FAM168A: variants seen among roughly 807,000 people sequenced by gnomAD.
FAM168A encodes the protein protein FAM168A.
Under a neutral mutation model 28.5 loss-of-function variants are expected in FAM168A, and 3 were observed. The ratio of observed to expected loss-of-function variants is 0.11; its 90% CI spans 0.05 to 0.27. The LOEUF is 0.27. Among genes scored for constraint, FAM168A ranks in the 10% least tolerant of loss-of-function variants. The probability of loss-of-function intolerance (pLI) is 1.00; values close to 1 mark genes in which losing one functional copy is unlikely to be tolerated. For missense variants in FAM168A, 222 were observed against 311.5 expected, an observed-to-expected ratio of 0.71 and a Z score of 2.16; for synonymous variants, 122 against 124.2, an observed-to-expected ratio of 0.98 and a Z score of 0.12.
intron 2 of FAM168A, among the ~76,000 whole-genome samples, chr11:73,466,024 TG>T (rs1328307955): frequency 1.3e-5 from 2 of 152,156 alleles, no homozygotes; most frequent in Non-Finnish European, 2.9e-5. Context: ...AGCTGCTTAC[TG>T]GAATACTGCA....
chr11:73,592,836 C>G (rs897527553), intron 1 of FAM168A, among the ~76,000 whole-genome samples: 2 of 150,616 alleles, frequency 1.3e-5, no homozygotes, highest in African/African-American at 4.9e-5. Context: ...AGGAGGATCA[C>G]TTGACCAGGA....
intron 1 of FAM168A, among the ~76,000 whole-genome samples, chr11:73,572,836 A>C (rs1944120777): frequency 6.6e-6 from 1 of 152,102 alleles, no homozygotes; most frequent in Admixed American, 6.6e-5. Flanking sequence ...GACCCTGCCA[A>C]ATCCCCCTCT....
In FAM168A at chr11:73,411,495, T is replaced by C. The variant is rs781581760; in HGVS notation, c.319A>G (p.Ser107Gly). 8 of 1,614,068 alleles carry C rather than the reference T, an allele frequency of 5.0e-6. No individual in the cohort carries two copies. Among genetic ancestry groups the C allele is most frequent in the African/African-American group, 1.3e-5 (1 of 75,010 alleles). The change falls in exon 5 of 8, where the codon AGT (serine) becomes GGT (glycine). Residue 107 changes from serine (S) to glycine (G), a missense_variant. Transcript: ENST00000356467. Reference protein sequence around the residue: ...GTPYKVPPTQSNTAPPPYSPS... With the variant: ...GTPYKVPPTQGNTAPPPYSPS... ...GAGTAGGGGGGTGGAGCAGTGTTAC[T>C]CTGGGTCGGTGGGACCTTGTATGGT...
At chr11:73,437,965 T>C (rs952743924) in intron 2 of FAM168A, among the ~76,000 whole-genome samples, 4 of 152,124 alleles carry the variant, frequency 2.6e-5, no homozygotes, top group Non-Finnish European at 5.9e-5. Context: ...CTTAAAACAA[T>C]TCAATTTTTC....
intron 1 of FAM168A, among the ~76,000 whole-genome samples, chr11:73,513,022 C>T (rs1406436408): frequency 6.6e-6 from 1 of 152,074 alleles, no homozygotes; most frequent in Admixed American, 6.5e-5. Context: ...CCTAGGGAAA[C>T]ATCTGCCGTA....
intron 1 of FAM168A, among the ~76,000 whole-genome samples, chr11:73,572,374 G>A (rs1565303979): frequency 6.6e-6 from 1 of 152,206 alleles, no homozygotes; most frequent in Non-Finnish European, 1.5e-5. Context: ...TCTGGGAGGT[G>A]TACCCAACAG....
intron 1 of FAM168A, among the ~76,000 whole-genome samples, chr11:73,542,407 G>A (rs999764472): frequency 6.6e-6 from 1 of 152,116 alleles, no homozygotes; most frequent in African/African-American, 2.4e-5. Flanking sequence ...AATCTCCTTT[G>A]ACTACTTTCT....
At chr11:73,564,555 A>G (rs973991966) in intron 1 of FAM168A, among the ~76,000 whole-genome samples, 3 of 151,818 alleles carry the variant, frequency 2.0e-5, no homozygotes, top group African/African-American at 7.2e-5. Flanking sequence ...TGGCTAACAC[A>G]GTGAAACCCC....
intron 1 of FAM168A, among the ~76,000 whole-genome samples, chr11:73,525,880 A>G (rs992397205): frequency 6.6e-6 from 1 of 152,206 alleles, no homozygotes; most frequent in Admixed American, 6.5e-5. Context: ...TACATGTTCA[A>G]ATTACCTTAT....
intron 1 of FAM168A, among the ~76,000 whole-genome samples, chr11:73,479,029 G>A (rs984787548): frequency 5.9e-5 from 9 of 152,128 alleles, no homozygotes; most frequent in Non-Finnish European, 8.8e-5. Context: ...AGATGTAACC[G>A]AAATACTCTG....
At chr11:73,538,064 G>C (rs1057418393) in intron 1 of FAM168A, among the ~76,000 whole-genome samples, 1 of 152,130 alleles carries the variant, frequency 6.6e-6, no homozygotes, top group African/African-American at 2.4e-5. Flanking sequence ...TCCATTTTCA[G>C]AGATGAAAAA....
At chr11:73,475,222 AACT>A (rs1414814122) in intron 1 of FAM168A, among the ~76,000 whole-genome samples, 31 of 152,176 alleles carry the variant, frequency 2.0e-4, no homozygotes, top group African/African-American at 6.8e-4. Context: ...TTAGTTTGCA[AACT>A]ACTACACTTT....
intron 1 of FAM168A, among the ~76,000 whole-genome samples, chr11:73,584,745 G>A (rs528266807): frequency 1.3e-5 from 2 of 152,130 alleles, no homozygotes; most frequent in Non-Finnish European, 2.9e-5. Flanking sequence ...CCAAAGTGCT[G>A]GGATTACACG....
intron 5 of FAM168A, among the ~76,000 whole-genome samples, chr11:73,410,082 T>A (rs1207233217): frequency 2.0e-5 from 3 of 151,330 alleles, no homozygotes; most frequent in African/African-American, 7.3e-5. Context: ...ATGGTGTAAG[T>A]GCATGTTGTA....
intron 1 of FAM168A, among the ~76,000 whole-genome samples, chr11:73,522,974 C>T (rs974630122): frequency 6.6e-6 from 1 of 152,010 alleles, no homozygotes; most frequent in Non-Finnish European, 1.5e-5. Context: ...GATAACACCA[C>T]TGAACTCCAG....
At chr11:73,509,869 G>A (rs1855185368) in intron 1 of FAM168A, among the ~76,000 whole-genome samples, 1 of 152,090 alleles carries the variant, frequency 6.6e-6, no homozygotes, top group Admixed American at 6.5e-5. Flanking sequence ...TTCAGGCCTA[G>A]TTCAAAGCTC....
chr11:73,463,010 C>T (rs1867676444), intron 2 of FAM168A, among the ~76,000 whole-genome samples: 1 of 151,802 alleles, frequency 6.6e-6, no homozygotes, highest in Admixed American at 6.6e-5. Flanking sequence ...ACTCTGTTGC[C>T]CAGGCTGGAG....
intron 1 of FAM168A, among the ~76,000 whole-genome samples, chr11:73,511,111 G>C (rs932089766): frequency 1.3e-5 from 2 of 151,618 alleles, no homozygotes; most frequent in Non-Finnish European, 2.9e-5. Context: ...AACGGACAAA[G>C]CCAAATGGTG....
At chr11:73,576,620 TG>T (rs1486139437) in intron 1 of FAM168A, among the ~76,000 whole-genome samples, 1 of 152,120 alleles carries the variant, frequency 6.6e-6, no homozygotes, top group Non-Finnish European at 1.5e-5. Context: ...AAGACGGAAA[TG>T]GGGAATCAAC....
Sources: gnomAD v4.1 joint callset for allele counts (sites outside exome capture counted in the v4.1 genomes callset) on GRCh38, gnomAD v4.1.1 for gene constraint, MANE v1.5 for transcripts, NCBI Gene and HGNC (gene_info 2026-07-23, HGNC 2026-07-21) for gene names.